Variants in WDPCP observed in about 807,000 individuals in gnomAD.
WDPCP encodes WD repeat containing planar cell polarity effector.
WDPCP carries 71 observed loss-of-function variants against 93.1 expected under a neutral mutation model. That is an observed-to-expected ratio of 0.76 (90% CI 0.63 to 0.93). The LOEUF is 0.93. Ranked by LOEUF, WDPCP falls within the 40% of genes least tolerant of loss-of-function variation. The pLI is 0.00. For synonymous variants in WDPCP, 315 were observed against 315.0 expected, an observed-to-expected ratio of 1.00 and a Z score of 0.00; for missense variants, 844 against 887.4, an observed-to-expected ratio of 0.95 and a Z score of 0.62.
At chr2:63,364,147 T>C (rs1229330600) in intron 12 of WDPCP, among the ~76,000 whole-genome samples, 2 of 152,206 alleles carry the variant, frequency 1.3e-5, no homozygotes, top group African/African-American at 2.4e-5. Context: ...TGATTCTTTG[T>C]TTTTTCATTC....
At chr2:63,615,840 C>T (rs750803557) in intron 3 of WDPCP, among the ~76,000 whole-genome samples, 1 of 152,184 alleles carries the variant, frequency 6.6e-6, no homozygotes, top group Non-Finnish European at 1.5e-5. Context: ...TCTACTCATG[C>T]TTCTTCTCTT....
rs1039350540 is a variant in WDPCP at position 63,577,384 on chromosome 2, T to C, written c.75+10813A>G. Among the ~76,000 whole-genome samples, 3 of 152,254 alleles carry C rather than the reference T, an allele frequency of 2.0e-5. No individual in the cohort carries two copies. The South Asian group carries it at 6.2e-4, about 32-fold the overall frequency. On this transcript the variant is annotated intron_variant, in intron 1 of 17. Transcript: ENST00000272321. ...AAAGATATGTTTCCTCTAAATAAAG[T>C]TTATTGTTTGGGGGAGTTTGCTGAA... is the stretch of plus-strand genomic sequence containing the variant.
intron 6 of WDPCP, chr2:63,442,982 T>G (rs998021502): frequency 6.6e-6 from 1 of 152,104 alleles, no homozygotes; most frequent in African/African-American, 2.4e-5. Flanking sequence ...ATACACTGGT[T>G]AGATAACTGA....
intron 2 of WDPCP, among the ~76,000 whole-genome samples, chr2:63,713,848 T>G (rs1669295216): frequency 6.6e-6 from 1 of 152,178 alleles, no homozygotes. Context: ...AATTGATTTG[T>G]GCTGATTGAA....
chr2:63,178,121 C>T (rs562668184), intron 14 of WDPCP, among the ~76,000 whole-genome samples: 1 of 152,230 alleles, frequency 6.6e-6, no homozygotes, highest in South Asian at 2.1e-4. Context: ...ATTTCGTTGG[C>T]TGGTATTTTG....
intron 2 of WDPCP, chr2:63,684,589 C>A: frequency 1.4e-6 from 1 of 719,512 alleles, no homozygotes; most frequent in South Asian, 1.3e-5. Flanking sequence ...ACAAAACTGT[C>A]ATCAGTAAGG....
chr2:63,468,296 C>T (rs150679228), intron 6 of WDPCP, among the ~76,000 whole-genome samples: 217 of 152,300 alleles, frequency 1.4e-3, no homozygotes, highest in African/African-American at 5.1e-3. Context: ...ATGGCTAGTA[C>T]TATCTTGCCA....
chr2:63,428,757 G>A (rs1485110492), intron 9 of WDPCP, among the ~76,000 whole-genome samples: 7 of 152,014 alleles, frequency 4.6e-5, no homozygotes, highest in Non-Finnish European at 8.8e-5. Context: ...TTCTACACCA[G>A]TAATGTCCAA....
At chr2:63,365,030 G>T (rs1404428070) in intron 12 of WDPCP, among the ~76,000 whole-genome samples, 1 of 152,214 alleles carries the variant, frequency 6.6e-6, no homozygotes, top group Non-Finnish European at 1.5e-5. Context: ...AAGATGAGAG[G>T]CAGGTTGTAA....
At chr2:63,819,700 T>A (rs957053164) in intron 1 of WDPCP, among the ~76,000 whole-genome samples, 5 of 152,212 alleles carry the variant, frequency 3.3e-5, no homozygotes, top group African/African-American at 9.6e-5. Context: ...TCTAGCCCAA[T>A]GTCAGAAAAG....
rs190852281 is a variant in WDPCP at position 63,514,612 on chromosome 2, C to A, written c.76-21672G>T. Among the ~76,000 whole-genome samples, 302 of 152,214 alleles carry A rather than the reference C, an allele frequency of 2.0e-3. 1 individual carries two copies. Among genetic ancestry groups the A allele is most frequent in the Admixed American group, 0.017 (262 of 15,290 alleles). On this transcript the variant is annotated intron_variant, in intron 1 of 17. Coordinates refer to ENST00000272321, the MANE Select transcript of WDPCP (RefSeq NM_015910.7). ...ATAGGTACAAAACTGCTGGGCTGCC[C>A]ACAGTTAGCATTTATTATTTAGGAG...
rs753459510 is a variant in WDPCP at position 63,717,296 on chromosome 2, TG to T, written n.309-66459del. Reference sequence around the variant, plus strand: ...ACCTTCAGGCAGCAACATGGCAAGATGGTGGCAGGCCAAATCACTGTGAACA... The same window carrying T: ...ACCTTCAGGCAGCAACATGGCAAGATGTGGCAGGCCAAATCACTGTGAACA... On this transcript the variant is annotated intron_variant and non_coding_transcript_variant, in intron 2 of 4. Coordinates refer to the WDPCP transcript ENST00000467687. 7.4e-4 allele frequency: 400 copies of T among 541,116 alleles called. 3 individuals are homozygous for T. The highest frequency in any genetic ancestry group is 2.0e-4 in the Non-Finnish European group (53 of 270,620). The allele number at this position is 541,116 out of a possible 1,614,324, so 33.5% of individuals were successfully genotyped here. A position where few individuals can be genotyped will look rare whatever the true frequency, so the allele number is the denominator to read the frequency against.
At chr2:63,388,632 G>A (rs761206146) in intron 10 of WDPCP, among the ~76,000 whole-genome samples, 6 of 152,252 alleles carry the variant, frequency 3.9e-5, no homozygotes, top group African/African-American at 7.2e-5. Flanking sequence ...AACCCATCAC[G>A]AGGAAGCTAA....
intron 13 of WDPCP, among the ~76,000 whole-genome samples, chr2:63,293,014 T>C (rs568988439): frequency 6.6e-6 from 1 of 152,284 alleles, no homozygotes; most frequent in Admixed American, 6.5e-5. Flanking sequence ...ACATAGGGGT[T>C]CTGTGCTCTG....
chr2:63,788,096 ATC>A (rs1405230756), intron 2 of WDPCP, among the ~76,000 whole-genome samples: 3 of 152,202 alleles, frequency 2.0e-5, no homozygotes, highest in Non-Finnish European at 2.9e-5. Context: ...ATACCATATT[ATC>A]TCTTTTTATT....
chr2:63,453,104 A>T (rs1698371182), intron 6 of WDPCP, among the ~76,000 whole-genome samples: 1 of 152,226 alleles, frequency 6.6e-6, no homozygotes, highest in South Asian at 2.1e-4. Flanking sequence ...GGATCTAATT[A>T]AACTAAAGAG....
intron 3 of WDPCP, among the ~76,000 whole-genome samples, chr2:63,634,971 G>A (rs1376264305): frequency 6.6e-6 from 1 of 151,890 alleles, no homozygotes; most frequent in Admixed American, 6.6e-5. Flanking sequence ...AAAGAAAACT[G>A]ACAAACATTT....
intron 2 of WDPCP, among the ~76,000 whole-genome samples, chr2:63,773,880 G>A (rs778742995): frequency 3.9e-5 from 6 of 151,990 alleles, no homozygotes; most frequent in Non-Finnish European, 8.8e-5. Context: ...CTGACTCTGA[G>A]CACACTGGCT....
intron 1 of WDPCP, among the ~76,000 whole-genome samples, chr2:63,826,631 C>CT (rs887564232): frequency 1.3e-5 from 2 of 152,120 alleles, no homozygotes; most frequent in Non-Finnish European, 2.9e-5. Context: ...TTTGGAAATA[C>CT]TTACCTTACT....
Sources: gnomAD v4.1 joint callset for allele counts (sites outside exome capture counted in the v4.1 genomes callset) on GRCh38, gnomAD v4.1.1 for gene constraint, MANE v1.5 for transcripts, NCBI Gene and HGNC (gene_info 2026-07-23, HGNC 2026-07-21) for gene names.